Variants in PTPRD observed in about 807,000 individuals in gnomAD.
PTPRD encodes receptor-type tyrosine-protein phosphatase delta.
PTPRD carries 34 observed loss-of-function variants against 214.5 expected under a neutral mutation model. The observed-to-expected ratio is 0.16, with a 90% CI of 0.12 to 0.21. The LOEUF is 0.21. Among genes scored for constraint, PTPRD ranks in the 10% least tolerant of loss-of-function variants. The pLI, the probability that PTPRD is intolerant of heterozygous loss-of-function variation, is 1.00. For missense variants in PTPRD, 2,545 were observed against 2,398.7 expected (o/e 1.06, Z -1.27); for synonymous variants, 1,128 against 845.7 (o/e 1.33, Z -5.79).
chr9:9,117,451 C>T (rs1018452144), intron 10 of PTPRD, among the ~76,000 whole-genome samples: 3 of 151,896 alleles, frequency 2.0e-5, no homozygotes, highest in Admixed American at 2.0e-4. Flanking sequence ...ATGGTGATAC[C>T]CCACAAGACA....
At chr9:10,227,767 A>G (rs2099593891) in intron 3 of PTPRD, among the ~76,000 whole-genome samples, 1 of 151,998 alleles carries the variant, frequency 6.6e-6, no homozygotes, top group Non-Finnish European at 1.5e-5. Flanking sequence ...TGTCCAGAAA[A>G]TAGAAAACAT....
At chr9:10,409,334 G>C (rs2098410332) in intron 2 of PTPRD, among the ~76,000 whole-genome samples, 1 of 151,722 alleles carries the variant, frequency 6.6e-6, no homozygotes, top group Non-Finnish European at 1.5e-5. Flanking sequence ...TAATGGTATA[G>C]CTTTAATAAG....
chr9:8,364,135 G>A (rs777720712), intron 39 of PTPRD, among the ~76,000 whole-genome samples: 137 of 152,302 alleles, frequency 9.0e-4, no homozygotes, highest in Non-Finnish European at 7.9e-4. Flanking sequence ...TCCAGCAGAT[G>A]GCATGGTCAG....
intron 10 of PTPRD, among the ~76,000 whole-genome samples, chr9:9,165,051 C>A (rs1445414361): frequency 3.2e-3 from 380 of 117,122 alleles, no homozygotes; most frequent in Admixed American, 4.8e-3. Context: ...GACTCCATCT[C>A]AAAAAAAAAA....
intron 10 of PTPRD, among the ~76,000 whole-genome samples, chr9:9,158,988 AG>A (rs1180067136): frequency 6.6e-6 from 1 of 152,226 alleles, no homozygotes; most frequent in Non-Finnish European, 1.5e-5. Flanking sequence ...ATGTGGAAAA[AG>A]CATTTGACAA....
At chr9:10,106,231 A>T (rs1357220887) in intron 3 of PTPRD, among the ~76,000 whole-genome samples, 1 of 151,808 alleles carries the variant, frequency 6.6e-6, no homozygotes, top group Non-Finnish European at 1.5e-5. Flanking sequence ...CTATTTTTCT[A>T]TTCTGCAATA....
intron 26 of PTPRD, among the ~76,000 whole-genome samples, chr9:8,493,823 G>A (rs566642345): frequency 6.6e-6 from 1 of 152,244 alleles, no homozygotes; most frequent in South Asian, 2.1e-4. Context: ...AGGGCCCAAA[G>A]CTGTGGTGGT....
At chr9:10,466,451 C>A (rs1414466388) in intron 2 of PTPRD, among the ~76,000 whole-genome samples, 2 of 151,912 alleles carry the variant, frequency 1.3e-5, no homozygotes. Flanking sequence ...TGAAGAAACC[C>A]TGTTTCTACT....
chr9:8,467,722 G>A (rs569906711), intron 31 of PTPRD, among the ~76,000 whole-genome samples: 4 of 151,712 alleles, frequency 2.6e-5, no homozygotes, highest in Non-Finnish European at 5.9e-5. Flanking sequence ...TTATGTATCT[G>A]CTTACATCAA....
At chr9:8,702,617 T>A (rs191141786) in intron 12 of PTPRD, among the ~76,000 whole-genome samples, 90 of 152,258 alleles carry the variant, frequency 5.9e-4, no homozygotes, top group Non-Finnish European at 9.3e-4. Flanking sequence ...GAGGTGCAAT[T>A]TTTTGGGTTT....
At chr9:9,975,222 T>C (rs1296266013) in intron 4 of PTPRD, among the ~76,000 whole-genome samples, 2 of 152,186 alleles carry the variant, frequency 1.3e-5, no homozygotes, top group African/African-American at 4.8e-5. Flanking sequence ...ACCATATCCA[T>C]GGACTCCTTT....
At chr9:9,101,130 G>C (rs992489644) in intron 10 of PTPRD, among the ~76,000 whole-genome samples, 4 of 151,564 alleles carry the variant, frequency 2.6e-5, no homozygotes, top group Non-Finnish European at 5.9e-5. Context: ...GAGAGCAGGA[G>C]ACCAGAAGCT....
intron 3 of PTPRD, among the ~76,000 whole-genome samples, chr9:10,226,567 TA>T (rs1450901579): frequency 6.6e-6 from 1 of 152,028 alleles, no homozygotes; most frequent in Non-Finnish European, 1.5e-5. Flanking sequence ...CTCAACTTGC[TA>T]AACAAGAATT....
intron 10 of PTPRD, among the ~76,000 whole-genome samples, chr9:9,167,998 A>G (rs965036602): frequency 6.6e-6 from 1 of 152,124 alleles, no homozygotes. Flanking sequence ...TTTTATCTTA[A>G]AATCAGATAA....
chr9:10,135,540 A>G (rs2098936330), intron 3 of PTPRD, among the ~76,000 whole-genome samples: 1 of 152,152 alleles, frequency 6.6e-6, no homozygotes, highest in African/African-American at 2.4e-5. Context: ...TCTCAGCAGG[A>G]ACATTACAAG....
At chr9:10,457,938 AC>A (rs1283877191) in intron 2 of PTPRD, among the ~76,000 whole-genome samples, 1 of 152,058 alleles carries the variant, frequency 6.6e-6, no homozygotes, top group African/African-American at 2.4e-5. Flanking sequence ...CTATACACCA[AC>A]AAATTTGATA....
intron 9 of PTPRD, among the ~76,000 whole-genome samples, chr9:9,330,932 T>C (rs1362905572): frequency 6.6e-6 from 1 of 151,874 alleles, no homozygotes; most frequent in African/African-American, 2.4e-5. Flanking sequence ...ATGATATCTT[T>C]GCAGCAATTA....
intron 8 of PTPRD, among the ~76,000 whole-genome samples, chr9:9,412,739 C>T (rs188196244): frequency 1.6e-4 from 25 of 152,204 alleles, no homozygotes; most frequent in African/African-American, 5.1e-4. Flanking sequence ...TGTTCTCATG[C>T]GCCATCCCCC....
chr9:8,915,988 G>C (rs2098783170), intron 11 of PTPRD, among the ~76,000 whole-genome samples: 1 of 152,156 alleles, frequency 6.6e-6, no homozygotes, highest in African/African-American at 2.4e-5. Context: ...AAAGATCCCT[G>C]TCTTTCTGAT....
Sources: allele counts gnomAD v4.1 joint callset (sites outside exome capture counted in the v4.1 genomes callset), GRCh38; gene constraint gnomAD v4.1.1; transcripts MANE v1.5; gene names NCBI Gene and HGNC (gene_info 2026-07-23, HGNC 2026-07-21).